The following SPATA13 variants were observed in gnomAD, a reference collection of about 807,000 sequenced individuals.
SPATA13 encodes the protein spermatogenesis associated 13, also known as spermatogenesis-associated protein 13.
SPATA13 carries 50 observed loss-of-function variants against 104.0 expected under a neutral mutation model. The observed-to-expected ratio is 0.48, with a 90% confidence interval of 0.38 to 0.61. The LOEUF (loss-of-function observed/expected upper bound fraction) is 0.61. Among genes scored for constraint, SPATA13 ranks in the 20% least tolerant of loss-of-function variants. The pLI is 0.00. For missense variants in SPATA13, 1,524 were observed against 1,690.6 expected (o/e 0.90, Z 1.73); for synonymous variants, 606 against 667.5 (o/e 0.91, Z 1.42).
At chr13:24,279,961 G>A (rs1459240274) in intron 4 of SPATA13, among the ~76,000 whole-genome samples, 1 of 152,228 alleles carries the variant, frequency 6.6e-6, no homozygotes, top group Non-Finnish European at 1.5e-5. Flanking sequence ...TGTTGAAACA[G>A]TTGCTGTTGA....
rs901053122 is a variant in SPATA13, at chr13:24,304,098, A to T, written c.*1325A>T. 5 of 152,232 alleles carry T rather than the reference A, an allele frequency of 3.3e-5. No homozygotes were observed. The highest frequency in any genetic ancestry group is 5.9e-5 in the Non-Finnish European group (4 of 68,034). The allele number at this position is 152,232 out of a possible 1,614,324, so 9.4% of individuals were successfully genotyped here. On this transcript the variant is annotated 3_prime_UTR_variant, in exon 13 of 13. Transcript: ENST00000382108. ...AGCCAAAGCAGTCCTGCTTCTTGGAAATCAGAAGCTGCCTTTATCACATAT... is the reference window on the plus strand; with the variant it reads ...AGCCAAAGCAGTCCTGCTTCTTGGATATCAGAAGCTGCCTTTATCACATAT...
intron 2 of SPATA13, among the ~76,000 whole-genome samples, chr13:24,247,478 CTTTTTT>C (rs10625714): frequency 1.1e-5 from 1 of 87,122 alleles, no homozygotes. Context: ...TCCACATTCA[CTTTTTT>C]TTTTTTTTTT....
intron 1 of SPATA13, among the ~76,000 whole-genome samples, chr13:24,164,635 G>A (rs1461058801): frequency 6.6e-6 from 1 of 152,208 alleles, no homozygotes; most frequent in Admixed American, 6.5e-5. Context: ...AAATGAGATG[G>A]AGGTTCAGGG....
At chr13:24,241,315 A>C (rs1014081901) in intron 2 of SPATA13, among the ~76,000 whole-genome samples, 4 of 152,246 alleles carry the variant, frequency 2.6e-5, no homozygotes, top group Non-Finnish European at 2.9e-5. Context: ...AGGCCTGAGA[A>C]AAGAAGGGAC....
At chr13:24,076,318 G>A (rs1025284645) in intron 3 of SPATA13, among the ~76,000 whole-genome samples, 2 of 152,214 alleles carry the variant, frequency 1.3e-5, no homozygotes, top group African/African-American at 4.8e-5. Flanking sequence ...TTATAGCCCC[G>A]TGCCTGGCAG....
intron 2 of SPATA13, among the ~76,000 whole-genome samples, chr13:24,002,013 A>G (rs903982276): frequency 2.0e-5 from 3 of 152,058 alleles, no homozygotes; most frequent in African/African-American, 7.2e-5. Flanking sequence ...GTGGGAGCAG[A>G]GGTGGATGGT....
At chr13:24,162,920 TA>T (rs2138489082) in intron 1 of SPATA13, among the ~76,000 whole-genome samples, 1 of 152,340 alleles carries the variant, frequency 6.6e-6, no homozygotes, top group African/African-American at 2.4e-5. Context: ...TGACATGTTT[TA>T]TTTAGTCTGC....
At chr13:24,221,938 G>A (rs764037229) in intron 1 of SPATA13, among the ~76,000 whole-genome samples, 2 of 151,174 alleles carry the variant, frequency 1.3e-5, no homozygotes, top group African/African-American at 2.4e-5. Flanking sequence ...TCAGCCTCCC[G>A]AGTAGCTAGG....
intron 3 of SPATA13, among the ~76,000 whole-genome samples, chr13:24,096,061 C>T (rs1880069297): frequency 6.6e-6 from 1 of 152,172 alleles, no homozygotes; most frequent in African/African-American, 2.4e-5. Flanking sequence ...TCTCCCAGAG[C>T]CCTCACTATC....
intron 4 of SPATA13, among the ~76,000 whole-genome samples, chr13:24,277,276 C>T (rs937669726): frequency 2.1e-4 from 32 of 151,878 alleles, no homozygotes; most frequent in Non-Finnish European, 3.7e-4. Flanking sequence ...AACCACGTCT[C>T]TACTAAAAAT....
chr13:23,984,177 T>A (rs753476522), intron 2 of SPATA13, among the ~76,000 whole-genome samples: 2 of 152,244 alleles, frequency 1.3e-5, no homozygotes, highest in Non-Finnish European at 2.9e-5. Context: ...GGTCAGTATC[T>A]TGCCCTTGGC....
At chr13:23,990,662 G>A (rs1229816549) in intron 2 of SPATA13, among the ~76,000 whole-genome samples, 2 of 152,146 alleles carry the variant, frequency 1.3e-5, no homozygotes, top group Non-Finnish European at 2.9e-5. Flanking sequence ...TGCTATAATT[G>A]TCTACTTCCT....
At chr13:24,086,962 A>G (rs1265931026) in intron 3 of SPATA13, among the ~76,000 whole-genome samples, 1 of 152,302 alleles carries the variant, frequency 6.6e-6, no homozygotes, top group Non-Finnish European at 1.5e-5. Flanking sequence ...CTGGGCTAAG[A>G]AGTGAATCTG....
At chr13:24,283,422 C>T (rs1261595173) in intron 4 of SPATA13, among the ~76,000 whole-genome samples, 1 of 152,200 alleles carries the variant, frequency 6.6e-6, no homozygotes, top group African/African-American at 2.4e-5. Flanking sequence ...CATCCCTGAA[C>T]TTGCACAGGA....
intron 4 of SPATA13, among the ~76,000 whole-genome samples, chr13:24,273,862 T>C (rs1040256416): frequency 6.6e-6 from 1 of 152,226 alleles, no homozygotes; most frequent in Non-Finnish European, 1.5e-5. Context: ...TCCTTAAGTT[T>C]ATTTTTAAAT....
intron 1 of SPATA13, among the ~76,000 whole-genome samples, chr13:24,209,170 C>T (rs986894535): frequency 8.5e-5 from 13 of 152,120 alleles, no homozygotes; most frequent in Non-Finnish European, 1.8e-4. Context: ...CAGGACAAGC[C>T]GATTTCAGGA....
chr13:24,080,492 A>C (rs1488824098), intron 3 of SPATA13, among the ~76,000 whole-genome samples: 2 of 152,222 alleles, frequency 1.3e-5, no homozygotes, highest in East Asian at 3.8e-4. Flanking sequence ...ACATAAATAC[A>C]GAATTGGTGG....
intron 4 of SPATA13, chr13:24,278,714 T>C (rs1375346193): frequency 1.3e-6 from 2 of 1,566,918 alleles, no homozygotes. Context: ...GGTTTTATCA[T>C]CCACATTCAA....
chr13:23,989,496 A>T (rs1043221123), intron 2 of SPATA13, among the ~76,000 whole-genome samples: 7 of 152,120 alleles, frequency 4.6e-5, no homozygotes, highest in Non-Finnish European at 8.8e-5. Flanking sequence ...GTATGAACTG[A>T]AAAAAACAAC....
Sources: gnomAD v4.1 joint callset for allele counts (sites outside exome capture counted in the v4.1 genomes callset) on GRCh38, gnomAD v4.1.1 for gene constraint, MANE v1.5 for transcripts, NCBI Gene and HGNC (gene_info 2026-07-23, HGNC 2026-07-21) for gene names.